TMEM131L: variants seen among roughly 807,000 people sequenced by gnomAD.
The protein encoded by TMEM131L is transmembrane protein 131-like.
Under a neutral mutation model 192.2 loss-of-function variants are expected in TMEM131L, and 54 were observed. That is an observed-to-expected ratio of 0.28 (90% CI 0.23 to 0.35). The LOEUF is 0.35. Ranked by LOEUF, TMEM131L falls within the 10% of genes least tolerant of loss-of-function variation. The probability of loss-of-function intolerance (pLI) is 1.00; values close to 1 mark genes in which losing one functional copy is unlikely to be tolerated. For synonymous variants in TMEM131L, 701 were observed against 704.9 expected, an observed-to-expected ratio of 0.99 and a Z score of 0.09; for missense variants, 1,888 against 1,972.9, an observed-to-expected ratio of 0.96 and a Z score of 0.82.
At chr4:153,540,235 T>C (rs1220307127) in intron 3 of TMEM131L, among the ~76,000 whole-genome samples, 1 of 152,238 alleles carries the variant, frequency 6.6e-6, no homozygotes, top group African/African-American at 2.4e-5. Context: ...TCGGTCCTAC[T>C]GAGAAACTCT....
chr4:153,494,656 GT>G (rs1733034929), intron 3 of TMEM131L, among the ~76,000 whole-genome samples: 1 of 152,184 alleles, frequency 6.6e-6, no homozygotes, highest in Non-Finnish European at 1.5e-5. Context: ...TTCTGCCAAA[GT>G]TTTCATCCTG....
intron 3 of TMEM131L, among the ~76,000 whole-genome samples, chr4:153,517,939 T>C (rs1334264849): frequency 6.6e-6 from 1 of 152,212 alleles, no homozygotes; most frequent in Non-Finnish European, 1.5e-5. Flanking sequence ...TTTTTTTGGC[T>C]TGAAAATTTG....
chr4:153,518,626 G>T (rs894788602), intron 3 of TMEM131L, among the ~76,000 whole-genome samples: 1 of 152,198 alleles, frequency 6.6e-6, no homozygotes, highest in Admixed American at 6.5e-5. Context: ...TCATAGAAGC[G>T]ATGGGAACAT....
At chr4:153,549,995 C>T (rs1362768162) in intron 3 of TMEM131L, 78 bp from the exon 4 acceptor site, 1 of 606,016 alleles carries the variant, frequency 1.7e-6, no homozygotes, top group Non-Finnish European at 2.8e-6. Flanking sequence ...CATTGAGAGT[C>T]ATTAGTCTAA....
At chr4:153,579,102 T>G (rs1244926200) in intron 7 of TMEM131L, among the ~76,000 whole-genome samples, 1 of 152,334 alleles carries the variant, frequency 6.6e-6, no homozygotes, top group African/African-American at 2.4e-5. Context: ...GGTGCACACC[T>G]GTAATCCTAG....
At position 153,467,423 on chromosome 4, in the gene TMEM131L, C is replaced by G. The variant is rs973991520; in HGVS notation, c.195+142C>G. 4.2e-6 allele frequency: 3 copies of G among 713,416 alleles called. No homozygotes were observed. The South Asian group carries it at 5.4e-5, about 13-fold the overall frequency. The allele number at this position is 713,416 out of a possible 1,614,324, so 44.2% of individuals were successfully genotyped here. On this transcript the variant is annotated intron_variant, in intron 2 of 34. Transcript: ENST00000409959. ...GGCAAATAAACGTTAGGGGCCGAGCCTGAACACCTGGCAACGGTGGCCTTC... is the reference window on the plus strand; with the variant it reads ...GGCAAATAAACGTTAGGGGCCGAGCGTGAACACCTGGCAACGGTGGCCTTC...
At chr4:153,589,427 A>G (rs1730920601) in intron 16 of TMEM131L, among the ~76,000 whole-genome samples, 1 of 152,182 alleles carries the variant, frequency 6.6e-6, no homozygotes, top group Non-Finnish European at 1.5e-5. Flanking sequence ...ATGGCTACTA[A>G]GTGACTAGCA....
chr4:153,520,119 G>C (rs571723920), intron 3 of TMEM131L, among the ~76,000 whole-genome samples: 62 of 152,172 alleles, frequency 4.1e-4, no homozygotes, highest in African/African-American at 1.4e-3. Context: ...CTTTCTTGGT[G>C]CCAGTTTTAC....
chr4:153,627,622 C>T lies in TMEM131L; in HGVS notation c.4142C>T (p.Pro1381Leu), dbSNP rs781550004. 5.6e-6 allele frequency: 9 copies of T among 1,613,910 alleles called. No individual in the cohort carries two copies. Among genetic ancestry groups the T allele is most frequent in the African/African-American group, 1.3e-5 (1 of 74,922 alleles). ...ICNPMTVNSL[P>L]QYAEPSCPSL... ...CCCCACAGGACCGTGAATAGTCTCC[C>T]ACAATACGCAGAGCCTTCCTGTCCC... The change falls in exon 31 of 35, where the codon CCA becomes CTA. Residue 1381 changes from proline to leucine, a missense_variant. Coordinates refer to ENST00000409959, the MANE Select transcript of TMEM131L (RefSeq NM_001131007.2).
chr4:153,632,640 GGGAAGGGCAGGTGCA>G (rs2126908810), intron 31 of TMEM131L, 63 bp from the exon 32 acceptor site: 1 of 1,565,512 alleles, frequency 6.4e-7, no homozygotes, highest in Non-Finnish European at 8.7e-7. Context: ...GTTTTCTGGA[GGGAAGGGCAGGTGCA>G]GGAAGGGTAG....
In TMEM131L at chr4:153,633,196, T is replaced by A. The variant is rs572712430; in HGVS notation, c.4328+358T>A. On this transcript the variant is annotated intron_variant, in intron 32 of 34. Coordinates refer to ENST00000409959, the MANE Select transcript of TMEM131L (RefSeq NM_001131007.2). ...TTCTGTGGCATTATTCTTGAACACG[T>A]TTAACGTTGTATTTATTCGTTTGTT... is the stretch of plus-strand genomic sequence containing the variant. 6.5e-4 allele frequency: 121 copies of A among 186,154 alleles called. 1 individual carries two copies. Among genetic ancestry groups the A allele is most frequent in the African/African-American group, 2.6e-3 (109 of 41,288 alleles). 11.5% of individuals were successfully genotyped at this position (186,154 alleles called of 1,614,324 possible).
intron 3 of TMEM131L, among the ~76,000 whole-genome samples, chr4:153,528,669 A>G (rs1388011808): frequency 2.6e-5 from 4 of 152,076 alleles, no homozygotes; most frequent in Non-Finnish European, 4.4e-5. Context: ...CTGTCTCGTA[A>G]TGTGTTCATA....
chr4:153,581,559 A>C lies in TMEM131L; in HGVS notation c.891A>C (p.Ser297=). The change falls in exon 9 of 35, where the codon TCA becomes TCC. Residue 297 remains serine (S), a splice_region_variant and synonymous_variant. Coordinates refer to ENST00000409959, the MANE Select transcript of TMEM131L (RefSeq NM_001131007.2). ...TAGCTACAGATGAATCTGAGACCTC[A>C]GGTAAGGTGGAATGTTTAAAAATTT... The part of the protein sequence containing the change: ...VYVATDESET[S]DDSAVNMYIL... 4.6e-6 allele frequency: 7 copies of C among 1,535,870 alleles called. No individual in the cohort carries two copies. Among genetic ancestry groups the C allele is most frequent in the Non-Finnish European group, 6.2e-6 (7 of 1,137,208 alleles).
chr4:153,477,833 T>A (rs992728808), intron 3 of TMEM131L, among the ~76,000 whole-genome samples: 4 of 152,228 alleles, frequency 2.6e-5, no homozygotes, highest in Non-Finnish European at 5.9e-5. Context: ...GTTGTTCACG[T>A]AGCATATAAT....
At position 153,555,838 on chromosome 4, in the gene TMEM131L, G is replaced by A; in HGVS notation, c.360G>A (p.Arg120=). The change falls in exon 5 of 35, where the codon AGG becomes AGA. Residue 120 remains arginine, a synonymous_variant. Coordinates refer to ENST00000409959, the MANE Select transcript of TMEM131L (RefSeq NM_001131007.2). This position sits in a 1 kb window ranked among gnomAD's most constrained non-coding sequence, Gnocchi z 4.1. Reference sequence around the variant, plus strand: ...TTCTCCATGCTTACAACCCTAGTAGGGACAGCGAGGTTGTGGTGAATTCAG... The same window carrying A: ...TTCTCCATGCTTACAACCCTAGTAGAGACAGCGAGGTTGTGGTGAATTCAG... ...AKILHAYNPS[R]DSEVVVNSVF... 1 of 1,551,496 alleles carries A rather than the reference G, an allele frequency of 6.4e-7. No individual in the cohort carries two copies. The highest frequency in any genetic ancestry group is 8.7e-7 in the Non-Finnish European group (1 of 1,146,814).
At chr4:153,604,845 C>G (rs1732108554) in intron 25 of TMEM131L, among the ~76,000 whole-genome samples, 2 of 152,116 alleles carry the variant, frequency 1.3e-5, no homozygotes, top group Non-Finnish European at 2.9e-5. Flanking sequence ...GCTGGGATTA[C>G]AGGTGTGTGC....
chr4:153,608,448 C>G (rs566542381), intron 25 of TMEM131L, among the ~76,000 whole-genome samples: 2 of 152,294 alleles, frequency 1.3e-5, no homozygotes, highest in African/African-American at 4.8e-5. Context: ...TTTTCACTGT[C>G]TGATCAAAAT....
At position 153,467,193 on chromosome 4, in the gene TMEM131L, T is replaced by A; in HGVS notation, c.125-18T>A. On this transcript the variant is annotated intron_variant, in intron 1 of 34. Transcript: ENST00000409959. The stretch of plus-strand genomic sequence containing the variant: ...AGCGTGCATTAAAAACGTGGTGTAT[T>A]TTTTGGTGTTCCTGCAGCGATTGAG... 6.4e-7 allele frequency: 1 copy of A among 1,551,298 alleles called. No homozygotes were observed. Among genetic ancestry groups the A allele is most frequent in the Non-Finnish European group, 8.7e-7 (1 of 1,146,700 alleles).
At chr4:153,492,691 G>A (rs1057271582) in intron 3 of TMEM131L, among the ~76,000 whole-genome samples, 28 of 152,240 alleles carry the variant, frequency 1.8e-4, no homozygotes, top group African/African-American at 6.8e-4. Context: ...ATAGTTTTAA[G>A]AGAAGGAACA....
Sources: gnomAD v4.1 joint callset for allele counts (sites outside exome capture counted in the v4.1 genomes callset) on GRCh38, gnomAD v4.1.1 for gene constraint, Gnocchi (gnomAD v3.1) non-coding constraint, MANE v1.5 for transcripts, NCBI Gene and HGNC (gene_info 2026-07-23, HGNC 2026-07-21) for gene names.